DYNC2LI1: variants seen among roughly 807,000 people sequenced by gnomAD.
DYNC2LI1 encodes cytoplasmic dynein 2 light intermediate chain 1.
A neutral mutation model predicts 51.9 loss-of-function variants in DYNC2LI1; 45 were observed. That is an observed-to-expected ratio of 0.87 (90% CI 0.68 to 1.11). The LOEUF (loss-of-function observed/expected upper bound fraction) is 1.11. DYNC2LI1 is among the 50% of genes most tolerant of loss of function. The pLI, the probability that DYNC2LI1 is intolerant of heterozygous loss-of-function variation, is 0.00. For synonymous variants in DYNC2LI1, 130 were observed against 137.8 expected (o/e 0.94, Z 0.40); for missense variants, 490 against 417.4 (o/e 1.17, Z -1.51).
the DYNC2LI1 span, among the ~76,000 whole-genome samples, chr2:43,815,581 G>T: frequency 3.3e-5 from 5 of 152,326 alleles, no homozygotes; most frequent in African/African-American, 1.2e-4. Context: ...TTGAGAGGTT[G>T]CTAATTGAAA....
At chr2:43,781,291 C>T (rs1673267654) in intron 2 of DYNC2LI1, among the ~76,000 whole-genome samples, 1 of 151,866 alleles carries the variant, frequency 6.6e-6, no homozygotes, top group African/African-American at 2.4e-5. Context: ...ATCACTTGAA[C>T]CCAGAGGCAG....
At chr2:43,792,007 A>G (rs1673815852) in intron 5 of DYNC2LI1, among the ~76,000 whole-genome samples, 1 of 152,114 alleles carries the variant, frequency 6.6e-6, no homozygotes, top group African/African-American at 2.4e-5. Context: ...ATAATTTTTC[A>G]TTTGAAAAAA....
intron 12 of DYNC2LI1, among the ~76,000 whole-genome samples, chr2:43,806,039 C>A (rs1259021424): frequency 6.6e-6 from 1 of 151,992 alleles, no homozygotes; most frequent in Non-Finnish European, 1.5e-5. Context: ...TGCCACCACA[C>A]CTGGCTAATT....
At chr2:43,803,931 T>C (rs1173795756) in intron 10 of DYNC2LI1, among the ~76,000 whole-genome samples, 4 of 152,226 alleles carry the variant, frequency 2.6e-5, no homozygotes, top group Non-Finnish European at 5.9e-5. Context: ...TATCTCCTTG[T>C]AAAAAGGTAA....
intron 10 of DYNC2LI1, among the ~76,000 whole-genome samples, 179 bp from the exon 11 acceptor site, chr2:43,804,463 A>G (rs1666173737): frequency 6.6e-6 from 1 of 152,214 alleles, no homozygotes; most frequent in Non-Finnish European, 1.5e-5. Flanking sequence ...TTTCAGTACT[A>G]GAATCTGTCC....
chr2:43,823,953 G>A, the DYNC2LI1 span: 600 of 1,614,136 alleles, frequency 3.7e-4, no homozygotes, highest in African/African-American at 6.6e-3. Context: ...ACGGGGTGGC[G>A]CCCACAAACT....
intron 2 of DYNC2LI1, among the ~76,000 whole-genome samples, chr2:43,782,233 G>GT (rs1673320313): frequency 6.6e-6 from 1 of 152,020 alleles, no homozygotes; most frequent in Admixed American, 6.6e-5. Flanking sequence ...TCAGTTTGAT[G>GT]TAACACTGGC....
chr2:43,817,202 C>G, the DYNC2LI1 span, among the ~76,000 whole-genome samples: 1 of 152,170 alleles, frequency 6.6e-6, no homozygotes, highest in African/African-American at 2.4e-5. Context: ...GAGCAATTAA[C>G]CACCAGGTAT....
chr2:43,802,136 A>G (rs1407392615), intron 10 of DYNC2LI1, among the ~76,000 whole-genome samples: 1 of 152,156 alleles, frequency 6.6e-6, no homozygotes, highest in African/African-American at 2.4e-5. Context: ...ACACAGTTGT[A>G]ACAATTAGGT....
At chr2:43,784,351 C>G (rs1343526147) in intron 3 of DYNC2LI1, among the ~76,000 whole-genome samples, 1 of 152,130 alleles carries the variant, frequency 6.6e-6, no homozygotes. Context: ...TTAGACGTTT[C>G]CTGTCATAAA....
At chr2:43,826,542 G>T in the DYNC2LI1 span, 1 of 1,614,156 alleles carries the variant, frequency 6.2e-7, no homozygotes, top group Non-Finnish European at 8.5e-7. Context: ...AGAAGGGCCA[G>T]ACTTCTAAGG....
At chr2:43,822,851 T>C in the DYNC2LI1 span, 2 of 1,614,144 alleles carry the variant, frequency 1.2e-6, no homozygotes, top group Non-Finnish European at 8.5e-7. Flanking sequence ...GGGGAGGACG[T>C]GCAGTGCATA....
the DYNC2LI1 span, among the ~76,000 whole-genome samples, chr2:43,826,858 G>T: frequency 6.6e-6 from 1 of 152,206 alleles, no homozygotes; most frequent in African/African-American, 2.4e-5. Flanking sequence ...TTTAAAACAA[G>T]ACTGAGAGAA....
At position 43,786,531 on chromosome 2, in the gene DYNC2LI1, A is replaced by G. The variant is rs1184332599; in HGVS notation, c.162-650A>G. ...TGACAGTCATTAGGTTCCTCACATC[A>G]GGGCTGAGTATAAACCCAGTGTCAC... On this transcript the variant is annotated intron_variant, in intron 3 of 12. Coordinates refer to ENST00000260605, the MANE Select transcript of DYNC2LI1 (RefSeq NM_016008.4). Among the ~76,000 whole-genome samples the G allele has an allele frequency of 3.3e-5, 5 of 152,174 alleles. No homozygotes were observed. The East Asian group carries it at 9.7e-4, about 29-fold the overall frequency.
intron 5 of DYNC2LI1, among the ~76,000 whole-genome samples, chr2:43,789,926 T>C (rs1201078230): frequency 1.3e-5 from 2 of 152,214 alleles, no homozygotes; most frequent in East Asian, 3.8e-4. Context: ...TGAACTGAGA[T>C]AGCTGACATT....
intron 2 of DYNC2LI1, chr2:43,781,665 T>G (rs912797593): frequency 1.3e-5 from 2 of 149,536 alleles, no homozygotes; most frequent in African/African-American, 5.0e-5. Context: ...TGCAGTGGTG[T>G]GATCTCGGCT....
At chr2:43,803,848 T>C (rs1002834623) in intron 10 of DYNC2LI1, among the ~76,000 whole-genome samples, 2 of 152,164 alleles carry the variant, frequency 1.3e-5, no homozygotes, top group Non-Finnish European at 2.9e-5. Context: ...ATGGGAAATA[T>C]CCAGTTACAA....
the DYNC2LI1 span, among the ~76,000 whole-genome samples, chr2:43,825,389 G>C: frequency 6.6e-6 from 1 of 151,956 alleles, no homozygotes; most frequent in Non-Finnish European, 1.5e-5. Flanking sequence ...TTGTTTTTTT[G>C]TTTTCATTTT....
chr2:43,824,746 G>T, the DYNC2LI1 span: 1 of 1,447,384 alleles, frequency 6.9e-7, no homozygotes, highest in South Asian at 1.3e-5. Flanking sequence ...TCATTGACCC[G>T]GCCAAATTGA....
Sources: gnomAD v4.1 joint callset for allele counts (sites outside exome capture counted in the v4.1 genomes callset) on GRCh38, gnomAD v4.1.1 for gene constraint, MANE v1.5 for transcripts, NCBI Gene and HGNC (gene_info 2026-07-23, HGNC 2026-07-21) for gene names.